Variants in COL23A1 observed in about 807,000 individuals in gnomAD.
COL23A1 encodes collagen type XXIII alpha 1 chain.
Under a neutral mutation model 99.3 loss-of-function variants are expected in COL23A1, and 97 were observed. The ratio of observed to expected loss-of-function variants is 0.98; its 90% confidence interval spans 0.83 to 1.16. The LOEUF (loss-of-function observed/expected upper bound fraction) is 1.16, where lower values mean the gene tolerates loss of function less well. Ranked by LOEUF, COL23A1 falls within the 50% of genes most tolerant of loss-of-function variation. The pLI, the probability that COL23A1 is intolerant of heterozygous loss-of-function variation, is 0.00. For missense variants in COL23A1, 762 were observed against 757.4 expected (o/e 1.01, Z -0.07); for synonymous variants, 320 against 308.2 (o/e 1.04, Z -0.40).
Position 178,263,212 on chromosome 5 carries a change from G to T in COL23A1, c.635C>A (p.Pro212Gln). The stretch of plus-strand genomic sequence containing the variant: ...CAACTCCATGCCCTCTCTTACCGCT[G>T]GGCCTTGTGCTCCCCTGGGGCCATC... The part of the protein sequence containing the change: ...GKDGPRGAQG[P>Q]AGPKGEPGQD... The change falls in exon 9 of 29, where the codon CCA becomes CAA. Residue 212 changes from proline (P) to glutamine (Q), a missense_variant. Physicochemically the swap from Pro to Gln is moderately conservative, Grantham distance 76. Transcript: ENST00000390654. 1 of 1,612,090 alleles carries T rather than the reference G, an allele frequency of 6.2e-7. No homozygotes were observed. Among genetic ancestry groups the T allele is most frequent in the Non-Finnish European group, 8.5e-7 (1 of 1,178,336 alleles).
At chr5:178,290,336 C>T in intron 4 of COL23A1, 26 bp downstream of exon 4, 8 of 1,613,964 alleles carry the variant, frequency 5.0e-6, no homozygotes, top group Non-Finnish European at 6.8e-6. Flanking sequence ...CTTTCAGAAG[C>T]AGACAGCACA....
intron 2 of COL23A1, among the ~76,000 whole-genome samples, chr5:178,339,137 T>C (rs1369838374): frequency 6.6e-6 from 1 of 152,196 alleles, no homozygotes; most frequent in African/African-American, 2.4e-5. Flanking sequence ...GCTCTGCCTA[T>C]TAGAGAGCTC....
Position 178,332,958 on chromosome 5 carries a change from TTTTG to T in COL23A1, c.362-26043_362-26040del, listed in dbSNP as rs1196859652. On this transcript the variant is annotated intron_variant, in intron 2 of 28. Coordinates refer to ENST00000390654, the MANE Select transcript of COL23A1 (RefSeq NM_173465.4). ...CATTTTTGACTCATGGTTTGTTTTT[TTTTG>T]TTTGTTTGTTTTTGAGACGGAGTCT... Among the ~76,000 whole-genome samples the T allele has an allele frequency of 9.9e-5, 15 of 152,154 alleles. No homozygotes were observed. The East Asian group carries it at 2.7e-3, about 28-fold the overall frequency.
intron 2 of COL23A1, among the ~76,000 whole-genome samples, chr5:178,331,056 A>G (rs561530234): frequency 2.0e-5 from 3 of 152,342 alleles, no homozygotes; most frequent in Non-Finnish European, 4.4e-5. Flanking sequence ...TGCCTGGCAT[A>G]CAGTAGGAGC....
chr5:178,438,406 A>G (rs909924780), intron 2 of COL23A1, among the ~76,000 whole-genome samples: 4 of 152,276 alleles, frequency 2.6e-5, no homozygotes, highest in Non-Finnish European at 5.9e-5. Flanking sequence ...AAAAGTAAAC[A>G]TAAGTGAGCT....
chr5:178,394,798 C>T (rs1764142102), intron 2 of COL23A1, among the ~76,000 whole-genome samples: 1 of 152,300 alleles, frequency 6.6e-6, no homozygotes, highest in East Asian at 1.9e-4. Flanking sequence ...CCCTGGGTCT[C>T]GGGCAAGGGC....
chr5:178,427,442 C>T (rs772650269), intron 2 of COL23A1, among the ~76,000 whole-genome samples: 2 of 152,196 alleles, frequency 1.3e-5, no homozygotes, highest in African/African-American at 2.4e-5. Context: ...AAGCTGAAAA[C>T]GTATGTCCAT....
intron 2 of COL23A1, among the ~76,000 whole-genome samples, chr5:178,514,606 C>G (rs1396352015): frequency 6.6e-6 from 1 of 152,196 alleles, no homozygotes; most frequent in Non-Finnish European, 1.5e-5. Flanking sequence ...CCTGGGGCCA[C>G]AAAGATGAAC....
chr5:178,258,262 T>TATATATATATATATATATATAC lies in COL23A1; in HGVS notation c.730-696_730-695insGTATATATATATATATATATAT. ...ATATATATATATATATATATATATA[T>TATATATATATATATATATATAC]ACACATGCAAATCAATTCTAGGCAC... On this transcript the variant is annotated intron_variant, in intron 12 of 28. Transcript: ENST00000390654. Among the ~76,000 whole-genome samples the TATATATATATATATATATATAC allele has an allele frequency of 8.5e-3, 888 of 103,910 alleles. 76 individuals carry two copies. Among genetic ancestry groups the TATATATATATATATATATATAC allele is most frequent in the Non-Finnish European group, 0.015 (659 of 44,712 alleles). 68.2% of individuals were successfully genotyped at this position (103,910 alleles called of 152,430 possible).
chr5:178,358,017 T>C (rs1019880439), intron 2 of COL23A1, among the ~76,000 whole-genome samples: 5 of 67,706 alleles, frequency 7.4e-5, no homozygotes, highest in Admixed American at 7.1e-4. Flanking sequence ...TGTGTGTGTA[T>C]GTGTGTGTAT....
chr5:178,498,241 T>TAC (rs1758321846), intron 2 of COL23A1, among the ~76,000 whole-genome samples: 1 of 57,972 alleles, frequency 1.7e-5, no homozygotes, highest in African/African-American at 1.2e-4. Context: ...TATATATATA[T>TAC]ATATATATAT....
intron 2 of COL23A1, among the ~76,000 whole-genome samples, chr5:178,408,323 CA>C (rs1438154194): frequency 1.3e-5 from 2 of 152,002 alleles, no homozygotes; most frequent in African/African-American, 2.4e-5. Flanking sequence ...ATGCCTAAAG[CA>C]AATTCAAAAC....
At chr5:178,339,242 A>T (rs9329143) in intron 2 of COL23A1, among the ~76,000 whole-genome samples, 13,809 of 152,132 alleles carry the variant, frequency 0.091, 691 homozygotes, top group Middle Eastern at 0.17. Flanking sequence ...TCTCCTCACA[A>T]AACCTCCTAA....
intron 2 of COL23A1, among the ~76,000 whole-genome samples, chr5:178,536,917 T>C (rs1365512847): frequency 3.3e-5 from 5 of 152,190 alleles, no homozygotes; most frequent in African/African-American, 9.7e-5. Flanking sequence ...GGCTGATTTA[T>C]GGTTCTACCA....
intron 2 of COL23A1, among the ~76,000 whole-genome samples, chr5:178,500,470 T>C (rs1424610670): frequency 6.8e-6 from 1 of 148,028 alleles, no homozygotes; most frequent in Non-Finnish European, 1.5e-5. Flanking sequence ...CCGAGTACTG[T>C]GGTGCCTGCC....
chr5:178,494,683 G>A (rs1758106200), intron 2 of COL23A1, among the ~76,000 whole-genome samples: 1 of 152,168 alleles, frequency 6.6e-6, no homozygotes, highest in Non-Finnish European at 1.5e-5. Flanking sequence ...AGAGTGCTGG[G>A]TGAGAGGTGA....
At chr5:178,322,071 C>T (rs985321110) in intron 2 of COL23A1, among the ~76,000 whole-genome samples, 8 of 151,798 alleles carry the variant, frequency 5.3e-5, no homozygotes, top group Non-Finnish European at 1.2e-4. Flanking sequence ...CAGCTCACTG[C>T]AACCTCCGCC....
chr5:178,533,881 A>T (rs999492452), intron 2 of COL23A1, among the ~76,000 whole-genome samples: 14 of 152,208 alleles, frequency 9.2e-5, no homozygotes, highest in Non-Finnish European at 1.9e-4. Flanking sequence ...CGTCTATTGA[A>T]AAGGAAGCTC....
At chr5:178,588,152 C>G (rs1764093930) in intron 1 of COL23A1, among the ~76,000 whole-genome samples, 1 of 152,222 alleles carries the variant, frequency 6.6e-6, no homozygotes, top group Admixed American at 6.5e-5. Flanking sequence ...AACACACACC[C>G]TGTCCAATAA....
Sources: allele counts gnomAD v4.1 joint callset (sites outside exome capture counted in the v4.1 genomes callset), GRCh38; gene constraint gnomAD v4.1.1; transcripts MANE v1.5; gene names NCBI Gene and HGNC (gene_info 2026-07-23, HGNC 2026-07-21).